CLEC16A: variants seen among roughly 807,000 people sequenced by gnomAD.
The protein encoded by CLEC16A is C-type lectin domain containing 16A.
Under a neutral mutation model 109.5 loss-of-function variants are expected in CLEC16A, and 51 were observed. That is an observed-to-expected ratio of 0.47 (90% confidence interval 0.37 to 0.59). The LOEUF is 0.59. Ranked by LOEUF, CLEC16A falls within the 20% of genes least tolerant of loss-of-function variation. The pLI is 0.00. For missense variants in CLEC16A, 1,339 were observed against 1,394.0 expected (o/e 0.96, Z 0.63); for synonymous variants, 673 against 564.2 (o/e 1.19, Z -2.73).
rs547220647 is a variant in CLEC16A at position 11,143,757 on chromosome 16, A to T, written c.2641+17611A>T. Among the ~76,000 whole-genome samples, 10 of 152,308 alleles carry T rather than the reference A, an allele frequency of 6.6e-5. No individual in the cohort carries two copies. The South Asian group carries it at 2.1e-3, about 32-fold the overall frequency. On this transcript the variant is annotated intron_variant, in intron 22 of 23. Transcript: ENST00000409790. Reference sequence around the variant, plus strand: ...TAAAGGCATCTTCCATTCATGCATTAGCTCATCGTCAGAACCTCCCTGGGG... The same window carrying T: ...TAAAGGCATCTTCCATTCATGCATTTGCTCATCGTCAGAACCTCCCTGGGG...
intron 19 of CLEC16A, among the ~76,000 whole-genome samples, chr16:11,093,635 C>G (rs1401816034): frequency 6.6e-6 from 1 of 152,152 alleles, no homozygotes; most frequent in Non-Finnish European, 1.5e-5. Context: ...AAATATCAGC[C>G]AGGCGCCGAG....
intron 19 of CLEC16A, among the ~76,000 whole-genome samples, chr16:11,075,404 G>A (rs2058534): frequency 8.1e-6 from 1 of 123,286 alleles, no homozygotes; most frequent in Non-Finnish European, 1.7e-5. Context: ...GTGTGTGTGT[G>A]TGTGTGTCTG....
chr16:10,984,698 G>A (rs1380971167), intron 10 of CLEC16A, among the ~76,000 whole-genome samples: 1 of 152,172 alleles, frequency 6.6e-6, no homozygotes, highest in African/African-American at 2.4e-5. Flanking sequence ...AGTTTATGGG[G>A]CCCTAGATAT....
intron 19 of CLEC16A, among the ~76,000 whole-genome samples, chr16:11,092,387 C>CAA (rs1304980441): frequency 2.0e-5 from 3 of 151,176 alleles, no homozygotes; most frequent in Non-Finnish European, 4.4e-5. Flanking sequence ...CACACACACA[C>CAA]ACACACACAC....
At chr16:11,145,696 C>T (rs1033097731) in intron 22 of CLEC16A, among the ~76,000 whole-genome samples, 4 of 152,258 alleles carry the variant, frequency 2.6e-5, no homozygotes, top group Non-Finnish European at 5.9e-5. Context: ...GGATTTGGCC[C>T]GCAGGGCATT....
At chr16:11,071,507 GA>G (rs1311724579) in intron 19 of CLEC16A, among the ~76,000 whole-genome samples, 1 of 151,894 alleles carries the variant, frequency 6.6e-6, no homozygotes, top group Admixed American at 6.6e-5. Context: ...GATTGAGGGG[GA>G]AAAGTAGCCT....
Position 10,961,968 on chromosome 16 carries a change from CTTT to C in CLEC16A, c.210-475_210-473del, listed in dbSNP as rs5815604. The stretch of plus-strand genomic sequence containing the variant: ...TTGGGAACTTTTTTTTCTTTTTTTT[CTTT>C]TTTTTTTTTTTGGCTCTGTCACCCA... On this transcript the variant is annotated intron_variant, in intron 2 of 23. Transcript: ENST00000409790. This position sits in a 1 kb window ranked among gnomAD's most constrained non-coding sequence, Gnocchi z 4.3. Among the ~76,000 whole-genome samples the C allele has an allele frequency of 5.9e-5, 8 of 135,314 alleles. No individual in the cohort carries two copies. The highest frequency in any genetic ancestry group is 7.5e-5 in the Admixed American group (1 of 13,332). The allele number at this position is 135,314 out of a possible 152,430, so 88.8% of individuals were successfully genotyped here.
chr16:11,003,681 C>T (rs930245627), intron 11 of CLEC16A, among the ~76,000 whole-genome samples: 4 of 152,082 alleles, frequency 2.6e-5, no homozygotes, highest in Admixed American at 1.3e-4. Flanking sequence ...GCAAAGGCTT[C>T]GATGCTGCAG....
chr16:11,000,125 A>G (rs1377765261), intron 10 of CLEC16A, among the ~76,000 whole-genome samples: 1 of 152,202 alleles, frequency 6.6e-6, no homozygotes, highest in Non-Finnish European at 1.5e-5. Context: ...GGCGTGAGCC[A>G]CCACGCCCGG....
intron 23 of CLEC16A, among the ~76,000 whole-genome samples, chr16:11,172,247 C>T (rs555352566): frequency 3.3e-4 from 51 of 152,306 alleles, no homozygotes; most frequent in African/African-American, 1.0e-3. Flanking sequence ...TACAGTCACA[C>T]GCATACAAAT....
chr16:11,069,085 G>A (rs1448354695), intron 19 of CLEC16A, among the ~76,000 whole-genome samples: 1 of 149,358 alleles, frequency 6.7e-6, no homozygotes, highest in South Asian at 2.1e-4. Flanking sequence ...CGCCTGCCTT[G>A]GTATCCCAAA....
intron 20 of CLEC16A, among the ~76,000 whole-genome samples, chr16:11,121,859 G>A (rs886955015): frequency 4.9e-5 from 7 of 142,978 alleles, no homozygotes; most frequent in Non-Finnish European, 7.5e-5. Flanking sequence ...CAGCCTGGGC[G>A]GCAGAGTGAG....
chr16:11,109,469 T>C (rs1338529691), intron 19 of CLEC16A, among the ~76,000 whole-genome samples: 1 of 152,194 alleles, frequency 6.6e-6, no homozygotes, highest in Non-Finnish European at 1.5e-5. Flanking sequence ...AATCTTTCAG[T>C]ACATGGCTTT....
chr16:10,946,935 C>A lies in CLEC16A; in HGVS notation c.80+2138C>A, dbSNP rs1007969631. ...CCCGAGCTTGTGCTCATTATACTGT[C>A]TTTCTGAATAAAACTTCCCAATAAG... On this transcript the variant is annotated intron_variant, in intron 1 of 23. Coordinates refer to ENST00000409790, the MANE Select transcript of CLEC16A (RefSeq NM_015226.3). Among the ~76,000 whole-genome samples, 5 of 152,368 alleles carry A rather than the reference C, an allele frequency of 3.3e-5. 1 individual carries two copies. The highest frequency in any genetic ancestry group is 6.8e-3 in the Middle Eastern group (2 of 294).
chr16:11,079,092 G>T (rs1175430082), intron 19 of CLEC16A, among the ~76,000 whole-genome samples: 2 of 152,170 alleles, frequency 1.3e-5, no homozygotes, highest in East Asian at 3.9e-4. Context: ...ACAGCTACAT[G>T]TGTGCTCAGA....
intron 19 of CLEC16A, among the ~76,000 whole-genome samples, chr16:11,098,479 G>A (rs751764509): frequency 6.6e-6 from 1 of 152,236 alleles, no homozygotes; most frequent in African/African-American, 2.4e-5. Context: ...GTAAGGAGAC[G>A]TGGGGTCCCA....
intron 22 of CLEC16A, among the ~76,000 whole-genome samples, chr16:11,160,854 G>A (rs540927126): frequency 7.9e-5 from 12 of 152,310 alleles, no homozygotes; most frequent in African/African-American, 2.4e-4. Context: ...GGCAGCTGCT[G>A]GAGTTCCAGC....
intron 22 of CLEC16A, among the ~76,000 whole-genome samples, chr16:11,142,845 C>G (rs535560869): frequency 4.6e-5 from 7 of 152,340 alleles, no homozygotes; most frequent in African/African-American, 1.7e-4. Flanking sequence ...GAGTCTTGCT[C>G]TATCACCCAG....
At chr16:11,034,366 G>A (rs149874703) in intron 13 of CLEC16A, among the ~76,000 whole-genome samples, 45 of 152,296 alleles carry the variant, frequency 3.0e-4, no homozygotes, top group African/African-American at 1.0e-3. Flanking sequence ...TGGTGTTCTC[G>A]TGGTGTCTTT....
Sources: allele counts gnomAD v4.1 joint callset (sites outside exome capture counted in the v4.1 genomes callset), GRCh38; gene constraint gnomAD v4.1.1; non-coding constraint Gnocchi (gnomAD v3.1); transcripts MANE v1.5; gene names NCBI Gene and HGNC (gene_info 2026-07-23, HGNC 2026-07-21).